The following OAF variants were observed in gnomAD, a reference collection of about 807,000 sequenced individuals.
OAF encodes out at first homolog, also known as out at first protein homolog.
OAF carries 13 observed loss-of-function variants against 22.5 expected under a neutral mutation model. The observed-to-expected ratio is 0.58, with a 90% CI of 0.38 to 0.92. The LOEUF is 0.92. OAF is among the 40% of genes least tolerant of loss of function. The pLI, the probability that OAF is intolerant of heterozygous loss-of-function variation, is 0.00. For missense variants in OAF, 347 were observed against 381.8 expected (o/e 0.91, Z 0.76); for synonymous variants, 175 against 170.5 (o/e 1.03, Z -0.21).
intron 1 of OAF, among the ~76,000 whole-genome samples, chr11:120,212,142 C>G (rs1476036565): frequency 6.6e-6 from 1 of 152,080 alleles, no homozygotes; most frequent in African/African-American, 2.4e-5. Context: ...GCTGAGGCCC[C>G]CTCCCTCTGG....
At chr11:120,213,339 T>G (rs1206739810) in intron 1 of OAF, among the ~76,000 whole-genome samples, 1 of 151,976 alleles carries the variant, frequency 6.6e-6, no homozygotes, top group East Asian at 1.9e-4. Flanking sequence ...AGTTAGAAAA[T>G]GCATCTGGAG....
intron 1 of OAF, among the ~76,000 whole-genome samples, chr11:120,225,397 T>C (rs1938340609): frequency 6.6e-6 from 1 of 152,220 alleles, no homozygotes; most frequent in African/African-American, 2.4e-5. Flanking sequence ...TAAGGGGTTC[T>C]GCCGAGAGGA....
Position 120,211,395 on chromosome 11 carries a change from C to T in OAF, c.116C>T (p.Pro39Leu), listed in dbSNP as rs550463179. Residue 39 changes from proline to leucine, a missense_variant, in exon 1 of 4, where the codon CCG becomes CTG. Transcript: ENST00000328965. Reference sequence around the variant, plus strand: ...GAGCTGCGGGTCCGCGTGCGGCTGCCGGACGGCCAGGTGACCGAGGAGAGC... The same window carrying T: ...GAGCTGCGGGTCCGCGTGCGGCTGCTGGACGGCCAGGTGACCGAGGAGAGC... Reference protein sequence around the residue: ...PAELRVRVRLPDGQVTEESLQ... With the variant: ...PAELRVRVRLLDGQVTEESLQ... 4.2e-5 allele frequency: 62 copies of T among 1,489,134 alleles called. No individual in the cohort carries two copies. Among genetic ancestry groups the T allele is most frequent in the Non-Finnish European group, 5.4e-5 (60 of 1,114,316 alleles). The allele number at this position is 1,489,134 out of a possible 1,614,324, so 92.2% of individuals were successfully genotyped here.
intron 1 of OAF, among the ~76,000 whole-genome samples, chr11:120,216,355 T>C (rs1461728629): frequency 6.6e-6 from 1 of 152,218 alleles, no homozygotes; most frequent in Non-Finnish European, 1.5e-5. Context: ...CTACCCTGTC[T>C]GTGTTAGCAC....
At chr11:120,224,409 C>T (rs1159576085) in intron 1 of OAF, among the ~76,000 whole-genome samples, 1 of 152,220 alleles carries the variant, frequency 6.6e-6, no homozygotes. Flanking sequence ...CTCACCACAA[C>T]CCTGTCACAT....
At position 120,229,282 on chromosome 11, in the gene OAF, C is replaced by A; in HGVS notation, c.*140C>A. ...CCTAGAGCCTGGGCCCCTCTGGCCC[C>A]ATCTCACATGACTGTGAAGGGGGTG... On this transcript the variant is annotated 3_prime_UTR_variant, in exon 4 of 4. Transcript: ENST00000328965. The A allele has an allele frequency of 1.3e-6, 1 of 757,770 alleles. No individual in the cohort carries two copies. Among genetic ancestry groups the A allele is most frequent in the African/African-American group, 1.8e-5 (1 of 56,958 alleles). 46.9% of individuals were successfully genotyped at this position (757,770 alleles called of 1,614,324 possible).
intron 2 of OAF, 56 bp downstream of exon 2, chr11:120,225,851 C>T (rs1403683530): frequency 1.3e-6 from 2 of 1,521,524 alleles, no homozygotes; most frequent in Non-Finnish European, 1.8e-6. Flanking sequence ...CAGACCCGGC[C>T]CAGATCCCAT....
chr11:120,211,379 G>C lies in OAF; in HGVS notation c.100G>C (p.Val34Leu), dbSNP rs1938142708. Residue 34 changes from valine (V) to leucine (L), a missense_variant, in exon 1 of 4, where the codon GTC (valine) becomes CTC (leucine). Coordinates refer to ENST00000328965, the MANE Select transcript of OAF (RefSeq NM_178507.4). Reference protein sequence around the residue: ...LGTGAPAELRVRVRLPDGQVT... With the variant: ...LGTGAPAELRLRVRLPDGQVT... ...AACGGGTGCGCCGGCCGAGCTGCGGGTCCGCGTGCGGCTGCCGGACGGCCA... is the reference window on the plus strand; with the variant it reads ...AACGGGTGCGCCGGCCGAGCTGCGGCTCCGCGTGCGGCTGCCGGACGGCCA... 1.4e-6 allele frequency: 2 copies of C among 1,461,874 alleles called. No homozygotes were observed. Among genetic ancestry groups the C allele is most frequent in the Non-Finnish European group, 1.8e-6 (2 of 1,096,988 alleles). The allele number at this position is 1,461,874 out of a possible 1,614,324, so 90.6% of individuals were successfully genotyped here.
intron 3 of OAF, among the ~76,000 whole-genome samples, chr11:120,227,236 A>T (rs1938372281): frequency 6.6e-6 from 1 of 151,744 alleles, no homozygotes; most frequent in African/African-American, 2.4e-5. Context: ...ATCTGCACAG[A>T]GTTAAGTGTG....
chr11:120,228,572 T>C (rs1488882087), intron 3 of OAF, among the ~76,000 whole-genome samples: 1 of 152,154 alleles, frequency 6.6e-6, no homozygotes, highest in Non-Finnish European at 1.5e-5. Flanking sequence ...GGGATGACGA[T>C]ACTTAGCCCA....
At chr11:120,228,301 T>C (rs1938389250) in intron 3 of OAF, among the ~76,000 whole-genome samples, 4 of 152,106 alleles carry the variant, frequency 2.6e-5, no homozygotes, top group Admixed American at 2.6e-4. Flanking sequence ...GCCAGGCTGG[T>C]CTCAAACTCC....
intron 3 of OAF, 43 bp from the exon 4 acceptor site, chr11:120,228,825 T>TACCAACCCACAC: frequency 2.3e-6 from 1 of 434,174 alleles, no homozygotes; most frequent in Non-Finnish European, 4.7e-6. Flanking sequence ...GCTCCTTCCC[T>TACCAACCCACAC]CCCTCCCTCC....
intron 3 of OAF, 43 bp from the exon 4 acceptor site, chr11:120,228,825 T>TACCAAACAC: frequency 2.3e-6 from 1 of 434,174 alleles, no homozygotes; most frequent in African/African-American, 2.1e-5. Context: ...GCTCCTTCCC[T>TACCAAACAC]CCCTCCCTCC....
chr11:120,213,227 T>C (rs1309495231), intron 1 of OAF, among the ~76,000 whole-genome samples: 1 of 151,238 alleles, frequency 6.6e-6, no homozygotes, highest in Non-Finnish European at 1.5e-5. Context: ...AGGGAGAGGC[T>C]AAGAAGTACC....
Position 120,225,720 on chromosome 11 carries a change from C to T in OAF, c.291C>T (p.Phe97=), listed in dbSNP as rs960764741. 3.7e-6 allele frequency: 6 copies of T among 1,605,932 alleles called. 1 individual carries two copies. In the African/African-American group the frequency reaches 4.0e-5, roughly 11 times the overall value. ...LGELEKGQSQ[F]QALCFVTQLQ... ...AGCTGGAGAAGGGGCAGAGTCAGTT[C>T]CAGGCCCTCTGCTTTGTCACCCAGC... is the stretch of plus-strand genomic sequence containing the variant. Residue 97 remains phenylalanine, a synonymous_variant, in exon 2 of 4, where the codon TTC becomes TTT. Transcript: ENST00000328965.
At chr11:120,223,742 G>C (rs1938312208) in intron 1 of OAF, among the ~76,000 whole-genome samples, 1 of 152,226 alleles carries the variant, frequency 6.6e-6, no homozygotes, top group South Asian at 2.1e-4. Context: ...GATATTTCCT[G>C]CACCTGCGGT....
rs1178493294 is a variant in OAF at position 120,226,961 on chromosome 11, C to T, written c.512C>T (p.Thr171Ile). ...GCCGAGGCCGTGGATGCCATCTACA[C>T]CCGCCAGGAGGATGTCCGGTTCTGG... ...VCAEAVDAIY[T>I]RQEDVRFWLE... The change falls in exon 3 of 4, where the codon ACC becomes ATC. Residue 171 changes from threonine to isoleucine, a missense_variant. By Grantham distance (89) the Thr-to-Ile change is moderately conservative. Coordinates refer to ENST00000328965, the MANE Select transcript of OAF (RefSeq NM_178507.4). The T allele has an allele frequency of 1.9e-6, 3 of 1,605,678 alleles. No homozygotes were observed. The highest frequency in any genetic ancestry group is 3.3e-5 in the Admixed American group (2 of 59,840).
chr11:120,227,480 G>T (rs185339105), intron 3 of OAF, among the ~76,000 whole-genome samples: 272 of 152,180 alleles, frequency 1.8e-3, no homozygotes, highest in Non-Finnish European at 3.5e-3. Flanking sequence ...ACAGAGATGG[G>T]GCCTTCTGTC....
chr11:120,225,750 G>A lies in OAF; in HGVS notation c.321G>A (p.Gln107=), dbSNP rs1336996322. ...FQALCFVTQL[Q]HNEIIPSEAM... ...CCCTCTGCTTTGTCACCCAGCTGCA[G>A]CACAATGAGATCATCCCCAGTGAGG... The change falls in exon 2 of 4, where the codon CAG becomes CAA. Residue 107 remains glutamine, a synonymous_variant. Transcript: ENST00000328965. 4 of 1,607,112 alleles carry A rather than the reference G, an allele frequency of 2.5e-6. No homozygotes were observed. Among genetic ancestry groups the A allele is most frequent in the Non-Finnish European group, 1.7e-6 (2 of 1,176,876 alleles).
Sources: allele counts gnomAD v4.1 joint callset (sites outside exome capture counted in the v4.1 genomes callset), GRCh38; gene constraint gnomAD v4.1.1; transcripts MANE v1.5; gene names NCBI Gene and HGNC (gene_info 2026-07-23, HGNC 2026-07-21).